The following ARHGAP22 variants were observed in gnomAD, a reference collection of about 807,000 sequenced individuals.
ARHGAP22 encodes Rho GTPase activating protein 22.
In ARHGAP22, 48 loss-of-function variants were observed where a neutral mutation model predicts 59.1. The observed-to-expected ratio is 0.81, with a 90% CI of 0.64 to 1.03. The LOEUF (loss-of-function observed/expected upper bound fraction) is 1.03. Ranked by LOEUF, ARHGAP22 falls within the 50% of genes least tolerant of loss-of-function variation. ARHGAP22 has a pLI of 0.00. For missense variants in ARHGAP22, 1,015 were observed against 958.7 expected (o/e 1.06, Z -0.78); for synonymous variants, 445 against 416.4 (o/e 1.07, Z -0.84).
In ARHGAP22 at chr10:48,641,110, A is replaced by T. The variant is rs968809461; in HGVS notation, c.52+11124T>A. On this transcript the variant is annotated intron_variant, in intron 1 of 9. Coordinates refer to the ARHGAP22 transcript ENST00000435790. ...ACTAAGACAACACAAAAAATACAGT[A>T]AAAAATAGAAAAATTAAAATGGTAT... Among the ~76,000 whole-genome samples, 5 of 152,304 alleles carry T rather than the reference A, an allele frequency of 3.3e-5. No homozygotes were observed. In the East Asian group the frequency reaches 9.6e-4, roughly 29 times the overall value.
At chr10:48,464,542 G>A (rs1199873613) in intron 4 of ARHGAP22, among the ~76,000 whole-genome samples, 1 of 152,220 alleles carries the variant, frequency 6.6e-6, no homozygotes, top group Admixed American at 6.5e-5. Context: ...GGCACATGAT[G>A]GAGGAGCATG....
At chr10:48,574,333 A>G (rs2058579022) in intron 2 of ARHGAP22, among the ~76,000 whole-genome samples, 1 of 152,238 alleles carries the variant, frequency 6.6e-6, no homozygotes, top group Admixed American at 6.5e-5. Flanking sequence ...AAGAGAAATA[A>G]TAAGACAGAT....
chr10:48,569,499 A>T (rs2058267058), intron 2 of ARHGAP22, among the ~76,000 whole-genome samples: 1 of 152,212 alleles, frequency 6.6e-6, no homozygotes, highest in Non-Finnish European at 1.5e-5. Context: ...AATGAATAAA[A>T]TATGTTTCCC....
intron 4 of ARHGAP22, among the ~76,000 whole-genome samples, chr10:48,468,210 G>A (rs533354932): frequency 1.3e-5 from 2 of 152,304 alleles, no homozygotes; most frequent in African/African-American, 4.8e-5. Context: ...CCATGGATGT[G>A]GTTGGCTGAA....
rs74685549 is a variant in ARHGAP22 at position 48,589,442 on chromosome 10, G to A, written c.35-6290C>T. On this transcript the variant is annotated intron_variant, in intron 1 of 9. Coordinates refer to ENST00000249601, the MANE Select transcript of ARHGAP22 (RefSeq NM_021226.4). Reference sequence around the variant, plus strand: ...GAATCCCAGGGCGTTATTTCTGCCCGGATCTTACTCAGGAGCTTCAGACTC... The same window carrying A: ...GAATCCCAGGGCGTTATTTCTGCCCAGATCTTACTCAGGAGCTTCAGACTC... 7.4e-3 allele frequency among the ~76,000 whole-genome samples: 1,124 copies of A among 152,166 alleles called. 15 individuals are homozygous for A. The highest frequency in any genetic ancestry group is 0.026 in the African/African-American group (1,077 of 41,518).
chr10:48,652,435 G>A (rs1324612317), exon 1 of ARHGAP22: 1 of 677,602 alleles, frequency 1.5e-6, no homozygotes, highest in Non-Finnish European at 2.5e-6. Flanking sequence ...CCTTTATCTG[G>A]TATTTTCTTG....
intron 4 of ARHGAP22, among the ~76,000 whole-genome samples, chr10:48,475,129 A>G (rs2048589461): frequency 6.6e-6 from 1 of 152,082 alleles, no homozygotes; most frequent in African/African-American, 2.4e-5. Flanking sequence ...CAGGCATTCC[A>G]CAAAAGCCCC....
At chr10:48,539,291 A>ATTTTTTTTTTTTTTTTTTTTTTT (rs56801787) in intron 3 of ARHGAP22, among the ~76,000 whole-genome samples, 2 of 136,262 alleles carry the variant, frequency 1.5e-5, no homozygotes, top group African/African-American at 5.7e-5. Context: ...GAAGGGTAAC[A>ATTTTTTTTTTTTTTTTTTTTTTT]TTTTTTTTTT....
At chr10:48,624,689 G>A (rs995690306) in intron 1 of ARHGAP22, among the ~76,000 whole-genome samples, 22 of 152,198 alleles carry the variant, frequency 1.4e-4, no homozygotes, top group Admixed American at 1.0e-3. Flanking sequence ...ACATGATTGG[G>A]TTAACCAGAA....
At chr10:48,611,144 CA>C (rs904636862) in intron 1 of ARHGAP22, among the ~76,000 whole-genome samples, 2 of 152,200 alleles carry the variant, frequency 1.3e-5, no homozygotes, top group African/African-American at 4.8e-5. Context: ...GGGTTTCTCA[CA>C]AGGGGAAGCT....
intron 3 of ARHGAP22, among the ~76,000 whole-genome samples, chr10:48,538,071 A>G (rs1483557078): frequency 6.6e-6 from 1 of 152,214 alleles, no homozygotes; most frequent in Non-Finnish European, 1.5e-5. Flanking sequence ...TTAAAACAAC[A>G]GAAACTTCTT....
chr10:48,571,765 C>T (rs2058410017), intron 2 of ARHGAP22, among the ~76,000 whole-genome samples: 1 of 152,196 alleles, frequency 6.6e-6, no homozygotes, highest in Non-Finnish European at 1.5e-5. Context: ...GACACAGTTG[C>T]ATTTGGCAGC....
intron 1 of ARHGAP22, among the ~76,000 whole-genome samples, chr10:48,622,763 G>T (rs1204993356): frequency 1.3e-5 from 2 of 152,168 alleles, no homozygotes; most frequent in African/African-American, 2.4e-5. Context: ...ATGAGATCAA[G>T]AATTTAAAGT....
intron 3 of ARHGAP22, among the ~76,000 whole-genome samples, chr10:48,506,138 C>T (rs1016662196): frequency 1.2e-4 from 18 of 152,194 alleles, no homozygotes; most frequent in African/African-American, 4.3e-4. Context: ...AATGTCCTTC[C>T]CACTCTTTTT....
chr10:48,531,543 G>A (rs768748561), intron 3 of ARHGAP22, among the ~76,000 whole-genome samples: 8 of 152,208 alleles, frequency 5.3e-5, no homozygotes, highest in Non-Finnish European at 8.8e-5. Context: ...GGCTAGCACT[G>A]CCTGGCCCTG....
chr10:48,583,100 C>T lies in ARHGAP22; in HGVS notation c.87G>A (p.Met29Ile), dbSNP rs373930027. 3.0e-5 allele frequency: 49 copies of T among 1,614,160 alleles called. No individual in the cohort carries two copies. The highest frequency in any genetic ancestry group is 5.0e-5 in the Admixed American group (3 of 60,010). ...CGGGGCCCAGCCTGTGAGGGCACGG[C>T]ATCCGCCCAGGGCTCCGGCTCTGCT... ...MGEQSRSPGR[M>I]PCPHRLGPVL... The change falls in exon 2 of 10, where the codon ATG (methionine) becomes ATA (isoleucine). Residue 29 changes from methionine to isoleucine, a missense_variant. By Grantham distance (10) the Met-to-Ile change is conservative. Transcript: ENST00000249601.
At chr10:48,619,748 A>G (rs1264908293) in intron 1 of ARHGAP22, among the ~76,000 whole-genome samples, 6 of 152,204 alleles carry the variant, frequency 3.9e-5, no homozygotes, top group Admixed American at 2.0e-4. Flanking sequence ...AAAACTACCA[A>G]AAGAAAACAT....
At chr10:48,505,459 A>T (rs1008493076) in intron 3 of ARHGAP22, among the ~76,000 whole-genome samples, 2 of 152,012 alleles carry the variant, frequency 1.3e-5, no homozygotes, top group African/African-American at 4.8e-5. Context: ...CAGCTCCAAA[A>T]ATACAGATGC....
intron 3 of ARHGAP22, among the ~76,000 whole-genome samples, chr10:48,503,237 G>A (rs1380170197): frequency 2.6e-5 from 4 of 152,230 alleles, no homozygotes; most frequent in Admixed American, 1.3e-4. Flanking sequence ...ACCATGTTCC[G>A]AAATGTTCAA....
Sources: allele counts gnomAD v4.1 joint callset (sites outside exome capture counted in the v4.1 genomes callset), GRCh38; gene constraint gnomAD v4.1.1; transcripts MANE v1.5; gene names NCBI Gene and HGNC (gene_info 2026-07-23, HGNC 2026-07-21).